DNAH5: variants seen among roughly 807,000 people sequenced by gnomAD.
The protein encoded by DNAH5 is dynein axonemal heavy chain 5.
A neutral mutation model predicts 518.2 loss-of-function variants in DNAH5; 372 were observed. That is an observed-to-expected ratio of 0.72 (90% CI 0.66 to 0.78). The LOEUF (loss-of-function observed/expected upper bound fraction) is 0.78. DNAH5 is among the 30% of genes least tolerant of loss of function. The probability of loss-of-function intolerance (pLI) is 0.00; values close to 1 mark genes in which losing one functional copy is unlikely to be tolerated. For synonymous variants in DNAH5, 2,039 were observed against 2,025.9 expected (o/e 1.01, Z -0.17); for missense variants, 5,523 against 5,687.0 (o/e 0.97, Z 0.93).
chr5:13,855,542 T>C (rs989061016), intron 30 of DNAH5, among the ~76,000 whole-genome samples: 1 of 152,148 alleles, frequency 6.6e-6, no homozygotes, highest in African/African-American at 2.4e-5. Flanking sequence ...TACTCTTCAA[T>C]AGTGGGAGAC....
At chr5:13,799,210 C>G (rs545729370) in intron 47 of DNAH5, among the ~76,000 whole-genome samples, 36 of 139,720 alleles carry the variant, frequency 2.6e-4, no homozygotes, top group African/African-American at 5.2e-4. Flanking sequence ...TTTCATACCC[C>G]CCCCCACAAA....
chr5:13,931,162 C>T lies in DNAH5; in HGVS notation c.140G>A (p.Cys47Tyr), dbSNP rs374796461. 6.2e-7 allele frequency: 1 copy of T among 1,614,122 alleles called. No individual in the cohort carries two copies. The highest frequency in any genetic ancestry group is 1.7e-5 in the Admixed American group (1 of 60,022). The stretch of plus-strand genomic sequence containing the variant: ...CACTTCGGTTTTGTTCAGGTCCAAA[C>T]AGGAAGCCACAATTGCAAATAAGTA... Reference protein sequence around the residue: ...HNYLFAIVASCLDLNKTEVED... With the variant: ...HNYLFAIVASYLDLNKTEVED... The change falls in exon 2 of 79, where the codon TGT becomes TAT. Residue 47 changes from cysteine to tyrosine, a missense_variant. By Grantham distance (194) the Cys-to-Tyr change is radical (BLOSUM62 -2). This residue lies in a region of DNAH5 where 5,121 missense variants were observed against 5,223.3 expected (regional missense o/e 0.98). Coordinates refer to ENST00000265104, the MANE Select transcript of DNAH5 (RefSeq NM_001369.3).
At chr5:13,740,661 T>G (rs1048449229) in intron 65 of DNAH5, among the ~76,000 whole-genome samples, 2 of 152,198 alleles carry the variant, frequency 1.3e-5, no homozygotes, top group Non-Finnish European at 2.9e-5. Flanking sequence ...ACTCACTGTC[T>G]TAAACACACA....
rs773264493 is a variant in DNAH5, at chr5:13,753,494, C to T, written c.10611G>A (p.Glu3537=). 7 of 1,614,052 alleles carry T rather than the reference C, an allele frequency of 4.3e-6. No homozygotes were observed. In the South Asian group the frequency reaches 6.6e-5, roughly 15 times the overall value. The change falls in exon 63 of 79, where the codon GAG becomes GAA. Residue 3537 remains glutamate, a synonymous_variant. Transcript: ENST00000265104. The part of the protein sequence containing the change: ...FLSYSGPFNQ[E]FRDLLLNDWR... ...AGTCATTTAACAGAAGATCACGAAA[C>T]TCTTGGTTAAATGGACCAGAATAAG...
At chr5:13,826,332 A>T (rs2151828252) in intron 38 of DNAH5, among the ~76,000 whole-genome samples, 1 of 152,358 alleles carries the variant, frequency 6.6e-6, no homozygotes, top group Non-Finnish European at 1.5e-5. Context: ...TTCAAGAAAC[A>T]GCATGGAAAA....
At chr5:13,894,868 A>C in intron 15 of DNAH5, 47 bp from the exon 16 acceptor site, 1 of 1,585,456 alleles carries the variant, frequency 6.3e-7, no homozygotes, top group Non-Finnish European at 8.6e-7. Context: ...CTCACTTCTA[A>C]TGTCTGTTAA....
chr5:14,009,678 C>T (rs1300774771), intron 1 of DNAH5, among the ~76,000 whole-genome samples: 2 of 152,180 alleles, frequency 1.3e-5, no homozygotes, highest in African/African-American at 2.4e-5. Flanking sequence ...GTTTGTTTCA[C>T]GATTGCTGGT....
intron 78 of DNAH5, among the ~76,000 whole-genome samples, chr5:13,695,912 C>A (rs945916691): frequency 2.0e-5 from 3 of 152,104 alleles, no homozygotes; most frequent in African/African-American, 7.2e-5. Flanking sequence ...ACGCATGGAC[C>A]TTTTCACTAA....
chr5:13,963,362 G>T (rs1781315696), intron 1 of DNAH5, among the ~76,000 whole-genome samples: 1 of 152,140 alleles, frequency 6.6e-6, no homozygotes, highest in Non-Finnish European at 1.5e-5. Context: ...TGGACCACCT[G>T]AAGTCAGGAG....
At chr5:13,753,105 G>A in intron 63 of DNAH5, 128 bp downstream of exon 63, 1 of 681,378 alleles carries the variant, frequency 1.5e-6, no homozygotes, top group Non-Finnish European at 2.6e-6. Flanking sequence ...GCTTGCATCT[G>A]CTACTGCTCT....
intron 68 of DNAH5, 71 bp from the exon 69 acceptor site, chr5:13,729,631 G>A (rs1746223179): frequency 1.5e-6 from 2 of 1,371,270 alleles, no homozygotes; most frequent in Non-Finnish European, 2.0e-6. Context: ...AGTAAAATTT[G>A]TATTATTTTA....
intron 59 of DNAH5, among the ~76,000 whole-genome samples, chr5:13,764,910 T>A (rs776684294): frequency 2.0e-5 from 3 of 152,238 alleles, no homozygotes; most frequent in Non-Finnish European, 2.9e-5. Flanking sequence ...TGCAAACTTG[T>A]TAGACTCCGC....
At chr5:13,812,272 G>A (rs938166954) in intron 43 of DNAH5, among the ~76,000 whole-genome samples, 1 of 152,100 alleles carries the variant, frequency 6.6e-6, no homozygotes, top group Non-Finnish European at 1.5e-5. Context: ...GAAAAGTAAA[G>A]AATAAAAGAT....
intron 70 of DNAH5, among the ~76,000 whole-genome samples, chr5:13,725,208 A>T (rs962255937): frequency 6.6e-6 from 1 of 152,228 alleles, no homozygotes; most frequent in African/African-American, 2.4e-5. Flanking sequence ...GTGACATGAA[A>T]GTATGAAACT....
At chr5:13,994,522 C>T (rs1367400759) in intron 1 of DNAH5, among the ~76,000 whole-genome samples, 7 of 152,168 alleles carry the variant, frequency 4.6e-5, no homozygotes, top group Non-Finnish European at 1.0e-4. Flanking sequence ...ACTTATTACG[C>T]ATTTCTGATA....
chr5:13,775,989 AG>A (rs1473102314), intron 55 of DNAH5, among the ~76,000 whole-genome samples: 5 of 147,164 alleles, frequency 3.4e-5, no homozygotes, highest in Non-Finnish European at 6.0e-5. Flanking sequence ...AAAAAAAAAA[AG>A]CTAAATGTAC....
In DNAH5 at chr5:13,883,041, T is replaced by C. The variant is rs369783406; in HGVS notation, c.3037A>G (p.Ser1013Gly). 1.0e-4 allele frequency: 166 copies of C among 1,614,056 alleles called. No individual in the cohort carries two copies. Among genetic ancestry groups the C allele is most frequent in the Middle Eastern group, 8.2e-4 (5 of 6,084 alleles). The change falls in exon 20 of 79, where the codon AGC becomes GGC. Residue 1013 changes from serine (S) to glycine (G), a missense_variant. Ser to Gly is a moderately conservative substitution (Grantham distance 56). Coordinates refer to ENST00000265104, the MANE Select transcript of DNAH5 (RefSeq NM_001369.3). ...ATGTTGGGAATGGCCAGAGTGACGCTTGCCCGGAAAATGGGCAAACTGTTC... is the reference window on the plus strand; with the variant it reads ...ATGTTGGGAATGGCCAGAGTGACGCCTGCCCGGAAAATGGGCAAACTGTTC... ...KQNSLPIFRA[S>G]VTLAIPNIVM...
chr5:13,872,690 T>C (rs1580691862), intron 22 of DNAH5, among the ~76,000 whole-genome samples: 1 of 152,310 alleles, frequency 6.6e-6, no homozygotes, highest in African/African-American at 2.4e-5. Context: ...GCTGACATAA[T>C]GCAGAGGTCA....
chr5:13,824,205 A>G lies in DNAH5; in HGVS notation c.6573T>C (p.Ser2191=), dbSNP rs1245883548. 2 of 1,613,946 alleles carry G rather than the reference A, an allele frequency of 1.2e-6. No homozygotes were observed. The highest frequency in any genetic ancestry group is 1.6e-4 in the Middle Eastern group (1 of 6,082). The part of the protein sequence containing the change: ...VMRVLRDMNL[S]KLIDEDEPLF... ...TTCCATCTGTGAGTCTTACCAGTTTAGAAAGATTCATGTCCCGTAGTACAC... is the reference window on the plus strand; with the variant it reads ...TTCCATCTGTGAGTCTTACCAGTTTGGAAAGATTCATGTCCCGTAGTACAC... Residue 2191 remains serine (S), a synonymous_variant, in exon 39 of 79, where the codon TCT becomes TCC. Transcript: ENST00000265104.
Sources: allele counts gnomAD v4.1 joint callset (sites outside exome capture counted in the v4.1 genomes callset), GRCh38; gene constraint gnomAD v4.1.1; regional missense constraint gnomAD v4.1.1; transcripts MANE v1.5; gene names NCBI Gene and HGNC (gene_info 2026-07-23, HGNC 2026-07-21).